OSBPL10: variants seen among roughly 807,000 people sequenced by gnomAD.
The protein encoded by OSBPL10 is oxysterol binding protein like 10.
OSBPL10 carries 49 observed loss-of-function variants against 81.7 expected under a neutral mutation model. The observed-to-expected ratio is 0.60, with a 90% CI of 0.48 to 0.76. OSBPL10 has a LOEUF of 0.76. Ranked by LOEUF, OSBPL10 falls within the 30% of genes least tolerant of loss-of-function variation. The probability of loss-of-function intolerance (pLI) is 0.00; values close to 1 mark genes in which losing one functional copy is unlikely to be tolerated. For missense variants in OSBPL10, 923 were observed against 987.8 expected (o/e 0.93, Z 0.88); for synonymous variants, 419 against 383.6 (o/e 1.09, Z -1.08).
chr3:31,874,349 A>G (rs370581291), intron 3 of OSBPL10, among the ~76,000 whole-genome samples: 3 of 152,184 alleles, frequency 2.0e-5, no homozygotes, highest in East Asian at 1.9e-4. Flanking sequence ...ATACAAAACC[A>G]AAAGCCAAAA....
At chr3:32,030,018 A>C (rs1699451393) in intron 2 of OSBPL10, among the ~76,000 whole-genome samples, 2 of 152,200 alleles carry the variant, frequency 1.3e-5, no homozygotes, top group African/African-American at 4.8e-5. Context: ...TTCAAACATG[A>C]CTCTATTAAG....
intron 1 of OSBPL10, among the ~76,000 whole-genome samples, chr3:31,920,319 C>T (rs1696874740): frequency 6.6e-6 from 1 of 152,242 alleles, no homozygotes; most frequent in East Asian, 1.9e-4. Context: ...AAAGAAGAAT[C>T]ATTTAGGAAG....
intron 1 of OSBPL10, among the ~76,000 whole-genome samples, chr3:32,077,219 G>A (rs1178975448): frequency 6.6e-6 from 1 of 152,186 alleles, no homozygotes; most frequent in East Asian, 1.9e-4. Context: ...GATGGAATTG[G>A]TTAGGTCAAA....
intron 4 of OSBPL10, among the ~76,000 whole-genome samples, chr3:31,772,937 C>T (rs1157291925): frequency 6.6e-6 from 1 of 151,846 alleles, no homozygotes; most frequent in Non-Finnish European, 1.5e-5. Flanking sequence ...CCTTTCAAAA[C>T]GTGCAAGCCA....
chr3:31,980,836 C>T lies in OSBPL10; in HGVS notation c.281+63G>A, dbSNP rs560530148. On this transcript the variant is annotated intron_variant, in intron 1 of 11. Coordinates refer to ENST00000396556, the MANE Select transcript of OSBPL10 (RefSeq NM_017784.5). ...ACATACACAGACACACATACACACACGCACGCACACACACACACACACACA... is the reference window on the plus strand; with the variant it reads ...ACATACACAGACACACATACACACATGCACGCACACACACACACACACACA... 5 of 1,422,222 alleles carry T rather than the reference C, an allele frequency of 3.5e-6. No individual in the cohort carries two copies. The East Asian group carries it at 8.9e-5, about 25-fold the overall frequency. The allele number at this position is 1,422,222 out of a possible 1,614,324, so 88.1% of individuals were successfully genotyped here.
chr3:31,965,555 ATATAAATTATATATTATATAATATAT>A, intron 1 of OSBPL10, among the ~76,000 whole-genome samples: 1 of 83,714 alleles, frequency 1.2e-5, no homozygotes, highest in African/African-American at 5.1e-5. Context: ...ATTATATATT[ATATAAATTATATATTATATAATATAT>A]TATATAAATT....
At chr3:31,959,776 C>T (rs894882617) in intron 1 of OSBPL10, among the ~76,000 whole-genome samples, 1 of 152,140 alleles carries the variant, frequency 6.6e-6, no homozygotes, top group African/African-American at 2.4e-5. Flanking sequence ...GAGGCAGTTT[C>T]CTCACCTGTA....
rs758684612 is a variant in OSBPL10, at chr3:31,822,752, A to G, written c.729+7288T>C. Among the ~76,000 whole-genome samples, 12 of 151,888 alleles carry G rather than the reference A, an allele frequency of 7.9e-5. No individual in the cohort carries two copies. The South Asian group carries it at 2.3e-3, about 29-fold the overall frequency. On this transcript the variant is annotated intron_variant, in intron 4 of 11. Transcript: ENST00000396556. ...TAGCAAGACCCCATATTTACAAAAA[A>G]CTTTAAAAAAAATTAGCCAGGTATA...
chr3:31,783,789 T>TAAAAAAAAAA (rs869137696), intron 4 of OSBPL10, among the ~76,000 whole-genome samples: 1 of 19,950 alleles, frequency 5.0e-5, no homozygotes, highest in African/African-American at 1.5e-4. Context: ...AGACTCCGAT[T>TAAAAAAAAAA]AAAAAAAAAA....
intron 2 of OSBPL10, among the ~76,000 whole-genome samples, chr3:31,999,083 T>C (rs571246526): frequency 1.4e-4 from 21 of 152,354 alleles, no homozygotes; most frequent in Non-Finnish European, 2.4e-4. Context: ...GCCTAGCTTT[T>C]AGTTTTCACT....
chr3:31,748,049 G>T lies in OSBPL10; in HGVS notation c.801C>A (p.Pro267=). The T allele has an allele frequency of 2.5e-6, 4 of 1,614,188 alleles. No individual in the cohort carries two copies. Among genetic ancestry groups the T allele is most frequent in the Non-Finnish European group, 3.4e-6 (4 of 1,180,038 alleles). ...GCAGGTCCTGGTCCAAGGCAGTGAG[G>T]GGGCCGGACCCTGGCAGGGACTCAA... ...HAIESLPGSG[P]LTALDQDLLL... is the part of the protein sequence containing the mutation. The change falls in exon 5 of 12, where the codon CCC becomes CCA. Residue 267 remains proline, a synonymous_variant. Transcript: ENST00000396556.
chr3:31,850,058 G>A (rs550298127), intron 3 of OSBPL10, among the ~76,000 whole-genome samples: 18 of 152,248 alleles, frequency 1.2e-4, no homozygotes, highest in East Asian at 5.8e-4. Flanking sequence ...CCAGCTACTC[G>A]GGAGGCTGAG....
chr3:31,889,651 TGGGAAGGGTTGG>T (rs982700491), intron 1 of OSBPL10, among the ~76,000 whole-genome samples: 1 of 151,476 alleles, frequency 6.6e-6, no homozygotes, highest in African/African-American at 2.4e-5. Context: ...TACTAGGGGC[TGGGAAGGGTTGG>T]GGGAAGGGAG....
rs143583788 is a variant in OSBPL10 at position 31,993,164 on chromosome 3, C to CTTATTTTATTTTATT, written n.298+53312_298+53326dup. On this transcript the variant is annotated intron_variant and non_coding_transcript_variant, in intron 2 of 3. Coordinates refer to the OSBPL10 transcript ENST00000479173. The stretch of plus-strand genomic sequence containing the variant: ...CCTCAAAATGCAGAAGTAAGAAAAC[C>CTTATTTTATTTTATT]TTATTTTATTTTATTTTATTTTATT... Among the ~76,000 whole-genome samples, 812 of 129,112 alleles carry CTTATTTTATTTTATT rather than the reference C, an allele frequency of 6.3e-3. 9 individuals are homozygous for CTTATTTTATTTTATT. The highest frequency in any genetic ancestry group is 0.015 in the Middle Eastern group (4 of 264). The allele number at this position is 129,112 out of a possible 152,430, so 84.7% of individuals were successfully genotyped here. A position where few individuals can be genotyped will look rare whatever the true frequency, so the allele number is the denominator to read the frequency against.
At position 31,998,989 on chromosome 3, in the gene OSBPL10, CGAA is replaced by C. The variant is rs778502764; in HGVS notation, n.298+47499_298+47501del. Among the ~76,000 whole-genome samples the C allele has an allele frequency of 1.1e-4, 17 of 152,212 alleles. No individual in the cohort carries two copies. The East Asian group carries it at 1.2e-3, about 10-fold the overall frequency. On this transcript the variant is annotated intron_variant and non_coding_transcript_variant, in intron 2 of 3. Transcript: ENST00000479173. ...TTGCATTCATAAGAAAACACAAGGT[CGAA>C]GAAGATGTGTAAAAGAGAAAAAAGG...
chr3:32,061,435 T>C lies in OSBPL10; in HGVS notation n.186-14832A>G, dbSNP rs1477758990. ...TTATCGATTATGATAAAATACTTCA[T>C]GGGCACTATTTAAGGTGAAGCCCTT... On this transcript the variant is annotated intron_variant and non_coding_transcript_variant, in intron 1 of 3. Coordinates refer to the OSBPL10 transcript ENST00000479173. Among the ~76,000 whole-genome samples, 2 of 92,972 alleles carry C rather than the reference T, an allele frequency of 2.2e-5. 1 individual carries two copies. The highest frequency in any genetic ancestry group is 5.5e-5 in the African/African-American group (2 of 36,092). The allele number at this position is 92,972 out of a possible 152,430, so 61.0% of individuals were successfully genotyped here.
At chr3:31,948,271 A>C (rs1393993675) in intron 1 of OSBPL10, among the ~76,000 whole-genome samples, 1 of 152,188 alleles carries the variant, frequency 6.6e-6, no homozygotes, top group African/African-American at 2.4e-5. Context: ...GAAAGAGGGA[A>C]GGGCCATTCA....
intron 6 of OSBPL10, among the ~76,000 whole-genome samples, chr3:31,713,524 G>A (rs1346996102): frequency 6.6e-6 from 1 of 152,092 alleles, no homozygotes; most frequent in Non-Finnish European, 1.5e-5. Flanking sequence ...AGCCTCCCAA[G>A]TAGCTGGAAT....
chr3:31,689,921 C>T (rs575717272), intron 7 of OSBPL10, among the ~76,000 whole-genome samples: 44 of 151,548 alleles, frequency 2.9e-4, no homozygotes, highest in Admixed American at 9.2e-4. Flanking sequence ...TGTATGTGTA[C>T]GGAAAAAGTT....
Sources: allele counts gnomAD v4.1 joint callset (sites outside exome capture counted in the v4.1 genomes callset), GRCh38; gene constraint gnomAD v4.1.1; transcripts MANE v1.5; gene names NCBI Gene and HGNC (gene_info 2026-07-23, HGNC 2026-07-21).